Variants in CCDC88A observed in about 807,000 individuals in gnomAD.
CCDC88A encodes girdin.
In CCDC88A, 54 loss-of-function variants were observed where a neutral mutation model predicts 234.3. The ratio of observed to expected loss-of-function variants is 0.23; its 90% CI spans 0.19 to 0.29. CCDC88A has a LOEUF of 0.29. Among genes scored for constraint, CCDC88A ranks in the 10% least tolerant of loss-of-function variants. CCDC88A has a pLI of 1.00. For synonymous variants in CCDC88A, 753 were observed against 737.8 expected (o/e 1.02, Z -0.33); for missense variants, 1,832 against 2,123.4 (o/e 0.86, Z 2.70).
chr2:55,306,502 TAA>T (rs1681587466), intron 25 of CCDC88A, among the ~76,000 whole-genome samples: 1 of 152,204 alleles, frequency 6.6e-6, no homozygotes, highest in African/African-American at 2.4e-5. Context: ...TGTGTATATA[TAA>T]GTGTGTATGA....
chr2:55,317,099 T>C lies in CCDC88A; in HGVS notation c.3746+107A>G. On this transcript the variant is annotated intron_variant, in intron 21 of 32. Transcript: ENST00000436346. This position sits in a 1 kb window ranked among gnomAD's most constrained non-coding sequence, Gnocchi z 4.2. ...GTACTACAAAGGGGCAGTATATAGT[T>C]TGGATGTAAGAAATAATACATAATT... 2.6e-6 allele frequency: 1 copy of C among 384,370 alleles called. No homozygotes were observed. The highest frequency in any genetic ancestry group is 4.2e-6 in the Non-Finnish European group (1 of 236,208). 23.8% of individuals were successfully genotyped at this position (384,370 alleles called of 1,614,324 possible).
At chr2:55,316,206 G>C (rs1209045822) in intron 21 of CCDC88A, 92 bp from the exon 22 acceptor site, 1 of 477,836 alleles carries the variant, frequency 2.1e-6, no homozygotes, top group Non-Finnish European at 3.5e-6. Context: ...TAACATTAAG[G>C]CATACTTAGA....
chr2:55,363,228 G>A (rs1229295887), intron 6 of CCDC88A, among the ~76,000 whole-genome samples: 3 of 151,840 alleles, frequency 2.0e-5, no homozygotes, highest in Admixed American at 6.6e-5. Flanking sequence ...CTTTACAAAT[G>A]CTAAATAAGA....
chr2:55,324,285 AGT>A (rs1683994704), intron 17 of CCDC88A: 1 of 152,236 alleles, frequency 6.6e-6, no homozygotes. Context: ...ACAGATTTTA[AGT>A]GTAATTCGGT....
intron 2 of CCDC88A, 58 bp downstream of exon 2, chr2:55,418,758 G>T: frequency 7.4e-7 from 1 of 1,351,324 alleles, no homozygotes; most frequent in Non-Finnish European, 1.1e-6. Context: ...GTGTCTCAAA[G>T]TTCACCATAT....
chr2:55,380,414 G>A (rs114258840), intron 3 of CCDC88A, among the ~76,000 whole-genome samples: 81 of 151,368 alleles, frequency 5.4e-4, no homozygotes, highest in African/African-American at 1.8e-3. Flanking sequence ...CTATTCTGGC[G>A]TGAAGACATT....
intron 7 of CCDC88A, among the ~76,000 whole-genome samples, chr2:55,359,243 C>T (rs1670976229): frequency 6.6e-6 from 1 of 151,864 alleles, no homozygotes; most frequent in Non-Finnish European, 1.5e-5. Context: ...AAGCAATTCA[C>T]AAAATTAAGA....
At chr2:55,418,956 C>T in intron 1 of CCDC88A, 40 bp from the exon 2 acceptor site, 3 of 1,595,666 alleles carry the variant, frequency 1.9e-6, no homozygotes, top group Non-Finnish European at 2.6e-6. Context: ...TGAACGCCCA[C>T]CTCCATCTCT....
intron 2 of CCDC88A, among the ~76,000 whole-genome samples, chr2:55,400,129 C>T (rs1678368386): frequency 6.6e-6 from 1 of 152,044 alleles, no homozygotes; most frequent in African/African-American, 2.4e-5. Context: ...CATTTTAATA[C>T]TTAAAATGCA....
intron 9 of CCDC88A, chr2:55,348,845 G>A (rs2589091): frequency 0.42 from 63,759 of 151,902 alleles, 14,086 homozygotes; most frequent in East Asian, 0.85. Context: ...ATCTATGAAG[G>A]TCCCAGTTTA....
rs374395605 is a variant in CCDC88A at position 55,365,500 on chromosome 2, C to A, written c.403-1467G>T. On this transcript the variant is annotated intron_variant, in intron 5 of 32. Transcript: ENST00000436346. Reference sequence around the variant, plus strand: ...CTTAATTCAACTGCCGTATCTTTCTCTGCCTTCAGTTTAGACTAAATAGAT... The same window carrying A: ...CTTAATTCAACTGCCGTATCTTTCTATGCCTTCAGTTTAGACTAAATAGAT... 1.3e-3 allele frequency among the ~76,000 whole-genome samples: 196 copies of A among 152,308 alleles called. 4 individuals carry two copies. In the South Asian group the frequency reaches 0.038, roughly 30 times the overall value.
intron 10 of CCDC88A, 186 bp downstream of exon 10, chr2:55,345,989 A>G: frequency 2.2e-6 from 1 of 453,398 alleles, no homozygotes; most frequent in Non-Finnish European, 3.9e-6. Context: ...AGTAATATCC[A>G]TAGATCCCTT....
chr2:55,317,195 A>G lies in CCDC88A; in HGVS notation c.3746+11T>C, dbSNP rs899073410. ...ATAAAATGTTTGTTATATATAATAT[A>G]TATTTATTACCTATCATTTTCACCA... On this transcript the variant is annotated intron_variant, in intron 21 of 32. Transcript: ENST00000436346. The surrounding 1 kb of genome is among the most constrained non-coding windows in gnomAD (Gnocchi z 4.2). 2.5e-5 allele frequency: 30 copies of G among 1,193,658 alleles called. 1 individual carries two copies. The African/African-American group carries it at 4.4e-4, about 17-fold the overall frequency. 73.9% of individuals were successfully genotyped at this position (1,193,658 alleles called of 1,614,324 possible). A position where few individuals can be genotyped will look rare whatever the true frequency, so the allele number is the denominator to read the frequency against.
At chr2:55,357,379 T>G (rs2104769544) in intron 7 of CCDC88A, among the ~76,000 whole-genome samples, 1 of 149,178 alleles carries the variant, frequency 6.7e-6, no homozygotes, top group Middle Eastern at 3.4e-3. Context: ...TCTCTCTCCC[T>G]CTCTCCCTCC....
intron 2 of CCDC88A, among the ~76,000 whole-genome samples, chr2:55,415,434 T>G (rs11904238): frequency 0.049 from 7,434 of 152,142 alleles, 309 homozygotes; most frequent in African/African-American, 0.12. Flanking sequence ...ACATTGGACA[T>G]CAGGCAACAA....
chr2:55,297,381 A>AATATAT (rs1553385829), intron 29 of CCDC88A, among the ~76,000 whole-genome samples: 15 of 96,812 alleles, frequency 1.5e-4, no homozygotes, highest in African/African-American at 6.8e-4. Context: ...TATTATATAT[A>AATATAT]AATATATATT....
intron 8 of CCDC88A, 154 bp downstream of exon 8, chr2:55,355,425 C>A: frequency 1.6e-6 from 1 of 644,228 alleles, no homozygotes; most frequent in Non-Finnish European, 2.7e-6. Context: ...TAAGATTTAA[C>A]AATAGGAAAA....
chr2:55,374,670 T>G, intron 4 of CCDC88A, 144 bp downstream of exon 4: 1 of 480,494 alleles, frequency 2.1e-6, no homozygotes, highest in Non-Finnish European at 3.8e-6. Flanking sequence ...CTTGTCTCTT[T>G]CTATAAAATG....
intron 22 of CCDC88A, chr2:55,313,451 T>C (rs1355133893): frequency 2.6e-5 from 4 of 152,222 alleles, no homozygotes; most frequent in Non-Finnish European, 4.4e-5. Context: ...ATTTAGTCAA[T>C]AGTTGGTATT....
Sources: gnomAD v4.1 joint callset for allele counts (sites outside exome capture counted in the v4.1 genomes callset) on GRCh38, gnomAD v4.1.1 for gene constraint, Gnocchi (gnomAD v3.1) non-coding constraint, MANE v1.5 for transcripts, NCBI Gene and HGNC (gene_info 2026-07-23, HGNC 2026-07-21) for gene names.